PKN2: variants seen among roughly 807,000 people sequenced by gnomAD.
PKN2 encodes protein kinase N2, also known as serine/threonine-protein kinase N2.
In PKN2, 38 loss-of-function variants were observed where a neutral mutation model predicts 119.1. The ratio of observed to expected loss-of-function variants is 0.32; its 90% CI spans 0.25 to 0.42. The LOEUF (loss-of-function observed/expected upper bound fraction) is 0.42, where lower values mean the gene tolerates loss of function less well. Among genes scored for constraint, PKN2 ranks in the 10% least tolerant of loss-of-function variants. The pLI, the probability that PKN2 is intolerant of heterozygous loss-of-function variation, is 1.00. For synonymous variants in PKN2, 390 were observed against 384.9 expected (o/e 1.01, Z -0.15); for missense variants, 850 against 1,165.1 (o/e 0.73, Z 3.94).
In PKN2 at chr1:88,813,597, G is replaced by A. The variant is rs375403448; in HGVS notation, c.2143G>A (p.Val715Ile). 32 of 1,607,790 alleles carry A rather than the reference G, an allele frequency of 2.0e-5. No homozygotes were observed. The highest frequency in any genetic ancestry group is 2.7e-5 in the Non-Finnish European group (32 of 1,177,674). Reference sequence around the variant, plus strand: ...AAGAATTTTTGAAACTGTGAATAGTGTAAGGCATCCCTTTTTGGTGAACCT... The same window carrying A: ...AAGAATTTTTGAAACTGTGAATAGTATAAGGCATCCCTTTTTGGTGAACCT... ...EKRIFETVNS[V>I]RHPFLVNLFA... Residue 715 changes from valine to isoleucine, a missense_variant, in exon 16 of 22, where the codon GTA becomes ATA. By Grantham distance (29) the Val-to-Ile change is conservative. This residue lies in a region of PKN2 where 216 missense variants were observed against 252.8 expected (regional missense o/e 0.85). Transcript: ENST00000370521.
chr1:88,751,327 G>A (rs1668985360), intron 2 of PKN2, among the ~76,000 whole-genome samples: 1 of 150,820 alleles, frequency 6.6e-6, no homozygotes, highest in African/African-American at 2.4e-5. Flanking sequence ...ATACATACAG[G>A]TACATACAAG....
At chr1:88,804,269 C>A (rs1671446927) in intron 8 of PKN2, 122 bp from the exon 9 acceptor site, 3 of 702,258 alleles carry the variant, frequency 4.3e-6, no homozygotes, top group Non-Finnish European at 4.7e-6. Context: ...AACAGTGTGA[C>A]CTTTGTGTGT....
chr1:88,803,440 A>T (rs888058948), intron 8 of PKN2, among the ~76,000 whole-genome samples: 1 of 152,192 alleles, frequency 6.6e-6, no homozygotes, highest in Non-Finnish European at 1.5e-5. Context: ...TTAAAAGGAG[A>T]AACATTTATC....
chr1:88,774,334 C>G (rs1670004644), intron 6 of PKN2, among the ~76,000 whole-genome samples: 1 of 152,188 alleles, frequency 6.6e-6, no homozygotes, highest in African/African-American at 2.4e-5. Context: ...CCTTGTGCCC[C>G]TCCCTAGGTC....
In PKN2 at chr1:88,695,139, A is replaced by T. The variant is rs574220660; in HGVS notation, c.48+10511A>T. ...GAGACTCCATCTCAAAAAAAAAAAAATTTTGAAATGTCTGTCAGACGTCTT... is the reference window on the plus strand; with the variant it reads ...GAGACTCCATCTCAAAAAAAAAAAATTTTTGAAATGTCTGTCAGACGTCTT... On this transcript the variant is annotated intron_variant, in intron 1 of 21. Transcript: ENST00000370521. Among the ~76,000 whole-genome samples, 311 of 152,090 alleles carry T rather than the reference A, an allele frequency of 2.0e-3. 4 individuals are homozygous for T. Among genetic ancestry groups the T allele is most frequent in the Admixed American group, 0.017 (258 of 15,290 alleles).
intron 9 of PKN2, 72 bp downstream of exon 9, chr1:88,804,606 G>T (rs954579099): frequency 7.1e-7 from 1 of 1,415,666 alleles, no homozygotes; most frequent in South Asian, 1.2e-5. Flanking sequence ...TAATATAGAA[G>T]TAGAAAGAGT....
intron 1 of PKN2, among the ~76,000 whole-genome samples, chr1:88,730,212 G>C (rs1570545274): frequency 6.6e-6 from 1 of 151,244 alleles, no homozygotes. Context: ...GGCCCTATAT[G>C]ATCTTGCCTT....
At chr1:88,709,948 AGGTAAAAAAAT>A (rs1667158859) in intron 1 of PKN2, among the ~76,000 whole-genome samples, 1 of 152,210 alleles carries the variant, frequency 6.6e-6, no homozygotes, top group Non-Finnish European at 1.5e-5. Flanking sequence ...GAGAAGGGAC[AGGTAAAAAAAT>A]GATCCTTAGG....
chr1:88,808,066 G>C (rs951254519), intron 15 of PKN2, among the ~76,000 whole-genome samples: 1 of 152,148 alleles, frequency 6.6e-6, no homozygotes, highest in African/African-American at 2.4e-5. Context: ...ATATGGAATA[G>C]AAACTGTTAT....
intron 1 of PKN2, among the ~76,000 whole-genome samples, chr1:88,735,612 C>A (rs1570552934): frequency 1.0e-4 from 8 of 77,128 alleles, no homozygotes; most frequent in South Asian, 6.4e-4. Context: ...ACCCCCCCCC[C>A]CCCCACCCCC....
chr1:88,827,705 A>T (rs908241475), intron 18 of PKN2, among the ~76,000 whole-genome samples: 2 of 132,812 alleles, frequency 1.5e-5, no homozygotes, highest in African/African-American at 2.8e-5. Context: ...ATATATTGAG[A>T]TATATATATG....
chr1:88,730,546 G>C (rs139834698), intron 1 of PKN2, among the ~76,000 whole-genome samples: 31 of 152,344 alleles, frequency 2.0e-4, no homozygotes, highest in African/African-American at 6.5e-4. Context: ...CCTGGATTTA[G>C]TTCTCTTTGA....
intron 12 of PKN2, 95 bp from the exon 13 acceptor site, chr1:88,807,218 T>C (rs1671581738): frequency 1.1e-6 from 1 of 940,812 alleles, no homozygotes; most frequent in South Asian, 2.2e-5. Flanking sequence ...AACATTTATA[T>C]TGACTTTTGA....
At chr1:88,797,650 AAAG>A (rs1158614080) in intron 8 of PKN2, among the ~76,000 whole-genome samples, 4 of 151,244 alleles carry the variant, frequency 2.6e-5, no homozygotes, top group East Asian at 1.9e-4. Flanking sequence ...AAAAAAAAAA[AAAG>A]AGAGAGAATG....
At chr1:88,736,860 C>T (rs1668368452) in intron 1 of PKN2, among the ~76,000 whole-genome samples, 2 of 152,186 alleles carry the variant, frequency 1.3e-5, no homozygotes, top group Non-Finnish European at 2.9e-5. Context: ...GCAGTGAATT[C>T]ACAGTTGGTT....
intron 1 of PKN2, among the ~76,000 whole-genome samples, chr1:88,704,711 G>T (rs72953609): frequency 0.013 from 1,959 of 147,876 alleles, 40 homozygotes; most frequent in African/African-American, 0.047. Context: ...AGCCTGGGAG[G>T]TCAAGGTTGT....
At chr1:88,741,589 A>G (rs932616346) in intron 2 of PKN2, among the ~76,000 whole-genome samples, 1 of 152,132 alleles carries the variant, frequency 6.6e-6, no homozygotes, top group African/African-American at 2.4e-5. Flanking sequence ...AGTCAATCAC[A>G]TGCTTTTACG....
intron 19 of PKN2, among the ~76,000 whole-genome samples, chr1:88,831,758 T>C (rs1672740674): frequency 6.6e-6 from 1 of 152,044 alleles, no homozygotes; most frequent in African/African-American, 2.4e-5. Flanking sequence ...AAGCCTATAT[T>C]TCTTCAATAG....
chr1:88,807,107 G>T (rs1291396146), intron 12 of PKN2, among the ~76,000 whole-genome samples: 1 of 151,820 alleles, frequency 6.6e-6, no homozygotes, highest in African/African-American at 2.4e-5. Flanking sequence ...CTTGTGGCTG[G>T]GAATTCAAGA....
Sources: allele counts gnomAD v4.1 joint callset (sites outside exome capture counted in the v4.1 genomes callset), GRCh38; gene constraint gnomAD v4.1.1; regional missense constraint gnomAD v4.1.1; transcripts MANE v1.5; gene names NCBI Gene and HGNC (gene_info 2026-07-23, HGNC 2026-07-21).